EML1: variants seen among roughly 807,000 people sequenced by gnomAD.
The protein encoded by EML1 is echinoderm microtubule-associated protein-like 1.
In EML1, 27 loss-of-function variants were observed where a neutral mutation model predicts 110.4. That is an observed-to-expected ratio of 0.24 (90% confidence interval 0.18 to 0.34). The LOEUF is 0.34. Ranked by LOEUF, EML1 falls within the 10% of genes least tolerant of loss-of-function variation. EML1 has a pLI of 1.00. For synonymous variants in EML1, 344 were observed against 385.8 expected, an observed-to-expected ratio of 0.89 and a Z score of 1.27; for missense variants, 741 against 1,030.9, an observed-to-expected ratio of 0.72 and a Z score of 3.85.
In EML1 at chr14:99,925,761, C is replaced by T. The variant is rs1194562327; in HGVS notation, c.1909+4884C>T. 3.9e-5 allele frequency among the ~76,000 whole-genome samples: 6 copies of T among 152,274 alleles called. No individual in the cohort carries two copies. In the South Asian group the frequency reaches 8.3e-4, roughly 21 times the overall value. On this transcript the variant is annotated intron_variant, in intron 17 of 21. Coordinates refer to ENST00000262233, the MANE Select transcript of EML1 (RefSeq NM_004434.3). ...TGCACATGTACAGATTCAGATTGGCCGGAAGGGTGTCTGAATAGGCAGGAT... is the reference window on the plus strand; with the variant it reads ...TGCACATGTACAGATTCAGATTGGCTGGAAGGGTGTCTGAATAGGCAGGAT...
upstream of EML1, among the ~76,000 whole-genome samples, chr14:99,771,027 G>A (rs1218623882): frequency 3.3e-5 from 5 of 151,838 alleles, no homozygotes; most frequent in African/African-American, 1.2e-4. Flanking sequence ...CTCGTGATCC[G>A]TCCGCCTCAG....
chr14:99,862,550 T>C (rs762552834), intron 2 of EML1, among the ~76,000 whole-genome samples: 5 of 152,232 alleles, frequency 3.3e-5, no homozygotes, highest in Non-Finnish European at 7.3e-5. Flanking sequence ...TTATATATAC[T>C]GTAGCATAAA....
At chr14:99,870,964 A>AT (rs112229345) in intron 3 of EML1, among the ~76,000 whole-genome samples, 4,508 of 146,622 alleles carry the variant, frequency 0.031, 91 homozygotes, top group Non-Finnish European at 0.038. Context: ...AGGAAATAAC[A>AT]TTTTTTTTTT....
chr14:99,927,652 T>A (rs1198374438), intron 17 of EML1, among the ~76,000 whole-genome samples: 1 of 151,772 alleles, frequency 6.6e-6, no homozygotes, highest in Non-Finnish European at 1.5e-5. Context: ...AGTGGTAGAG[T>A]TCATATAGGA....
intron 1 of EML1, among the ~76,000 whole-genome samples, chr14:99,802,499 T>A (rs533999152): frequency 6.6e-6 from 1 of 150,430 alleles, no homozygotes; most frequent in East Asian, 2.0e-4. Flanking sequence ...CTGGGCGGGG[T>A]GTTGGGAGCA....
chr14:99,858,474 C>G (rs192910878), intron 2 of EML1, among the ~76,000 whole-genome samples: 1 of 152,208 alleles, frequency 6.6e-6, no homozygotes, highest in Admixed American at 6.5e-5. Flanking sequence ...CGTGAGCCAC[C>G]GCACCCAGCC....
chr14:99,742,592 G>C (rs1241295060), intron 1 of EML1, among the ~76,000 whole-genome samples: 1 of 152,132 alleles, frequency 6.6e-6, no homozygotes, highest in African/African-American at 2.4e-5. Flanking sequence ...TGGAGGCTGA[G>C]CCTGATACTG....
rs116092563 is a variant in EML1, at chr14:99,747,408, A to G, written c.28+9548A>G. On this transcript the variant is annotated intron_variant, in intron 1 of 10. Coordinates refer to the EML1 transcript ENST00000554479. ...GTACAGGGCACATTTGGGGAATGGC[A>G]GCTGTCTGGCCTGATGGGGGGCAGG... is the stretch of plus-strand genomic sequence containing the variant. Among the ~76,000 whole-genome samples the G allele has an allele frequency of 2.1e-3, 325 of 151,774 alleles. 2 individuals are homozygous for G. The highest frequency in any genetic ancestry group is 7.5e-3 in the African/African-American group (312 of 41,348).
At chr14:99,898,424 A>G in intron 8 of EML1, 122 bp downstream of exon 8, 1 of 906,096 alleles carries the variant, frequency 1.1e-6, no homozygotes, top group Non-Finnish European at 1.6e-6. Flanking sequence ...AAACTTCTGA[A>G]CCCCTCACTA....
chr14:99,926,296 T>C (rs199665485), intron 17 of EML1, among the ~76,000 whole-genome samples: 1 of 147,472 alleles, frequency 6.8e-6, no homozygotes, highest in Non-Finnish European at 1.5e-5. Context: ...TTTTTTTTTC[T>C]TTTTTTGAGA....
rs2060591696 is a variant in EML1 at position 99,941,691 on chromosome 14, A to C, written c.*1579A>C. ...GTTTGCAGATGAGACTGTAGTTTGCAGATGGCGTGGAAGCATTCATCAGGG... is the reference window on the plus strand; with the variant it reads ...GTTTGCAGATGAGACTGTAGTTTGCCGATGGCGTGGAAGCATTCATCAGGG... On this transcript the variant is annotated 3_prime_UTR_variant, in exon 22 of 22. Transcript: ENST00000262233. The C allele has an allele frequency of 6.6e-6, 1 of 152,236 alleles. No individual in the cohort carries two copies. The highest frequency in any genetic ancestry group is 1.5e-5 in the Non-Finnish European group (1 of 68,044). 9.4% of individuals were successfully genotyped at this position (152,236 alleles called of 1,614,324 possible).
chr14:99,887,143 T>TA (rs2059491300), intron 4 of EML1, among the ~76,000 whole-genome samples: 1 of 152,190 alleles, frequency 6.6e-6, no homozygotes, highest in South Asian at 2.1e-4. Flanking sequence ...CATCTCCCCA[T>TA]ACAGCTGCTG....
chr14:99,828,545 A>G (rs1328301474), intron 1 of EML1, among the ~76,000 whole-genome samples: 1 of 152,120 alleles, frequency 6.6e-6, no homozygotes, highest in Non-Finnish European at 1.5e-5. Context: ...TTATTACTTA[A>G]TCTCTTACAG....
intron 1 of EML1, among the ~76,000 whole-genome samples, chr14:99,836,439 C>T (rs1274265124): frequency 1.3e-5 from 2 of 152,154 alleles, no homozygotes; most frequent in Admixed American, 1.3e-4. Context: ...TCTACATAGA[C>T]ATTTATATCA....
chr14:99,770,779 ATTTTTTTTTT>A (rs34744469), upstream of EML1, among the ~76,000 whole-genome samples: 8 of 91,634 alleles, frequency 8.7e-5, no homozygotes, highest in African/African-American at 3.1e-4. Context: ...GTTTCCGCTG[ATTTTTTTTTT>A]TTTTTTTTTT....
Position 99,910,368 on chromosome 14 carries a change from A to G in EML1, c.1339+27A>G, listed in dbSNP as rs201595221. 269 of 1,552,206 alleles carry G rather than the reference A, an allele frequency of 1.7e-4. 1 individual carries two copies. The highest frequency in any genetic ancestry group is 6.8e-4 in the Middle Eastern group (4 of 5,848). On this transcript the variant is annotated intron_variant, in intron 12 of 21. Transcript: ENST00000262233. Reference sequence around the variant, plus strand: ...TAATAAGTGATTGTTCCCAAAACCAATGGTTTTTGGTAATGTTGTAAGAGA... The same window carrying G: ...TAATAAGTGATTGTTCCCAAAACCAGTGGTTTTTGGTAATGTTGTAAGAGA...
At chr14:99,849,499 G>GTT (rs1168740099) in intron 1 of EML1, among the ~76,000 whole-genome samples, 1 of 146,190 alleles carries the variant, frequency 6.8e-6, no homozygotes, top group African/African-American at 2.6e-5. Context: ...AATTGTGTGT[G>GTT]TGTATTTGTG....
In EML1 at chr14:99,840,252, A is replaced by G. The variant is rs547147451; in HGVS notation, c.68-10601A>G. ...TTTTTCTAAATAGCATTTGTGTAAT[A>G]TTTTGGAAAAGGCAAAATGATGTAA... On this transcript the variant is annotated intron_variant, in intron 1 of 21. Coordinates refer to ENST00000262233, the MANE Select transcript of EML1 (RefSeq NM_004434.3). Among the ~76,000 whole-genome samples the G allele has an allele frequency of 1.2e-4, 19 of 152,340 alleles. No individual in the cohort carries two copies. The South Asian group carries it at 3.3e-3, about 27-fold the overall frequency.
chr14:99,844,919 C>T (rs1200981698), intron 1 of EML1, among the ~76,000 whole-genome samples: 1 of 152,164 alleles, frequency 6.6e-6, no homozygotes, highest in African/African-American at 2.4e-5. Flanking sequence ...TATCCATTCA[C>T]CAGTTGAAGG....
Sources: gnomAD v4.1 joint callset for allele counts (sites outside exome capture counted in the v4.1 genomes callset) on GRCh38, gnomAD v4.1.1 for gene constraint, MANE v1.5 for transcripts, NCBI Gene and HGNC (gene_info 2026-07-23, HGNC 2026-07-21) for gene names.